Variants in C12orf42 observed in about 807,000 individuals in gnomAD.
The protein encoded by C12orf42 is uncharacterized protein C12orf42.
Under a neutral mutation model 21.6 loss-of-function variants are expected in C12orf42, and 25 were observed. The observed-to-expected ratio is 1.16, with a 90% CI of 0.84 to 1.62. C12orf42 has a LOEUF of 1.62. C12orf42 is among the 40% of genes most tolerant of loss of function. The pLI, the probability that C12orf42 is intolerant of heterozygous loss-of-function variation, is 0.00. For missense variants in C12orf42, 483 were observed against 459.3 expected (o/e 1.05, Z -0.47); for synonymous variants, 174 against 175.0 (o/e 0.99, Z 0.05).
At chr12:103,163,454 C>T in the C12orf42 span, among the ~76,000 whole-genome samples, 1 of 152,112 alleles carries the variant, frequency 6.6e-6, no homozygotes, top group Non-Finnish European at 1.5e-5. Context: ...GAATTGTGTG[C>T]TCCAGGACTG....
At chr12:103,313,144 TC>T (rs906188082) in intron 4 of C12orf42, among the ~76,000 whole-genome samples, 1 of 152,220 alleles carries the variant, frequency 6.6e-6, no homozygotes, top group East Asian at 1.9e-4. Flanking sequence ...GACAATTAAT[TC>T]CCCAAAGCTC....
intron 3 of C12orf42, among the ~76,000 whole-genome samples, chr12:103,376,954 T>C (rs1175074744): frequency 6.6e-6 from 1 of 151,864 alleles, no homozygotes; most frequent in Non-Finnish European, 1.5e-5. Flanking sequence ...TTAAAGCTTT[T>C]TCTTTCTACT....
chr12:103,168,936 C>T, the C12orf42 span, among the ~76,000 whole-genome samples: 1 of 152,048 alleles, frequency 6.6e-6, no homozygotes, highest in African/African-American at 2.4e-5. Context: ...CACATGTTCT[C>T]ACTCATAAGT....
the C12orf42 span, among the ~76,000 whole-genome samples, chr12:103,218,935 C>G: frequency 1.3e-5 from 2 of 152,294 alleles, no homozygotes; most frequent in Middle Eastern, 6.8e-3. Flanking sequence ...AAGAGATTCC[C>G]TCAGGTGTCT....
chr12:103,184,779 A>G, the C12orf42 span, among the ~76,000 whole-genome samples: 1 of 142,588 alleles, frequency 7.0e-6, no homozygotes, highest in Non-Finnish European at 1.5e-5. Context: ...ACTATATTTA[A>G]AGATAGGGTC....
chr12:103,209,733 G>A, the C12orf42 span, among the ~76,000 whole-genome samples: 1 of 152,250 alleles, frequency 6.6e-6, no homozygotes, highest in Non-Finnish European at 1.5e-5. Context: ...TTCCCTTGAT[G>A]ATCCCTCCGC....
chr12:103,185,351 G>A, the C12orf42 span, among the ~76,000 whole-genome samples: 1 of 152,164 alleles, frequency 6.6e-6, no homozygotes, highest in Admixed American at 6.5e-5. Flanking sequence ...ACTTCAGGTA[G>A]GAAGTTATGA....
At chr12:103,495,709 C>T (rs1955503111) in intron 1 of C12orf42, 193 bp downstream of exon 1, 1 of 152,186 alleles carries the variant, frequency 6.6e-6, no homozygotes, top group Non-Finnish European at 1.5e-5. Flanking sequence ...CCCCCTGCCC[C>T]GAGACGGGTC....
chr12:103,223,457 G>A, the C12orf42 span, among the ~76,000 whole-genome samples: 46 of 152,268 alleles, frequency 3.0e-4, 1 homozygote, highest in Admixed American at 8.5e-4. Flanking sequence ...GAATTGGGAC[G>A]ACTCAGGATA....
chr12:103,146,563 A>AGAAAGAAT, the C12orf42 span, among the ~76,000 whole-genome samples: 1 of 123,648 alleles, frequency 8.1e-6, no homozygotes, highest in Non-Finnish European at 1.7e-5. Flanking sequence ...AAGAAAGAAA[A>AGAAAGAAT]GAAAGAAAGA....
chr12:103,515,320 T>A, the C12orf42 span, among the ~76,000 whole-genome samples: 31 of 152,238 alleles, frequency 2.0e-4, no homozygotes, highest in Non-Finnish European at 7.3e-5. Context: ...TAGTGACCTG[T>A]GCTCTTAAAT....
chr12:103,277,536 G>A (rs1301836082), intron 4 of C12orf42, among the ~76,000 whole-genome samples: 3 of 152,008 alleles, frequency 2.0e-5, no homozygotes, highest in African/African-American at 7.2e-5. Context: ...GAGATCTCTG[G>A]TAGTTTCTGG....
At chr12:103,374,139 T>C (rs960639877) in intron 3 of C12orf42, among the ~76,000 whole-genome samples, 22 of 152,228 alleles carry the variant, frequency 1.4e-4, no homozygotes, top group African/African-American at 5.3e-4. Flanking sequence ...GAATTCTAAT[T>C]CAAAGGGAAT....
chr12:103,303,294 A>G (rs1191163873), intron 5 of C12orf42, among the ~76,000 whole-genome samples: 1 of 151,946 alleles, frequency 6.6e-6, no homozygotes, highest in Non-Finnish European at 1.5e-5. Context: ...TTTCATATGT[A>G]TATATAAACT....
chr12:103,440,343 G>A (rs1164896421), intron 2 of C12orf42, among the ~76,000 whole-genome samples: 1 of 141,346 alleles, frequency 7.1e-6, no homozygotes, highest in African/African-American at 2.6e-5. Context: ...CACCAGCATG[G>A]CACATGTATA....
At chr12:103,175,546 G>A in the C12orf42 span, among the ~76,000 whole-genome samples, 4 of 152,074 alleles carry the variant, frequency 2.6e-5, no homozygotes, top group Non-Finnish European at 4.4e-5. Context: ...ATGTGGCCTC[G>A]ACTGCCAAAA....
At chr12:103,495,642 G>A (rs1388561294) in intron 1 of C12orf42, 2 of 150,888 alleles carry the variant, frequency 1.3e-5, no homozygotes, top group Non-Finnish European at 3.0e-5. Flanking sequence ...TCTCGGTCCG[G>A]GCCGAGGCGG....
chr12:103,187,849 C>A, the C12orf42 span, among the ~76,000 whole-genome samples: 2 of 152,180 alleles, frequency 1.3e-5, no homozygotes, highest in Non-Finnish European at 2.9e-5. Flanking sequence ...CACCACATAA[C>A]TTATCATTTA....
At chr12:103,090,050 A>G in the C12orf42 span, among the ~76,000 whole-genome samples, 4 of 152,346 alleles carry the variant, frequency 2.6e-5, no homozygotes, top group African/African-American at 4.8e-5. Flanking sequence ...AAGGATAGCA[A>G]TGGAGCAAGT....
Sources: gnomAD v4.1 joint callset for allele counts (sites outside exome capture counted in the v4.1 genomes callset) on GRCh38, gnomAD v4.1.1 for gene constraint, MANE v1.5 for transcripts, NCBI Gene and HGNC (gene_info 2026-07-23, HGNC 2026-07-21) for gene names.